OPCML: variants seen among roughly 807,000 people sequenced by gnomAD.
OPCML encodes opioid binding protein/cell adhesion molecule like.
In OPCML, 13 loss-of-function variants were observed where a neutral mutation model predicts 37.8. The ratio of observed to expected loss-of-function variants is 0.34; its 90% CI spans 0.22 to 0.55. OPCML has a LOEUF of 0.55. OPCML is among the 20% of genes least tolerant of loss of function. OPCML has a pLI of 0.91. For synonymous variants in OPCML, 176 were observed against 168.8 expected, an observed-to-expected ratio of 1.04 and a Z score of -0.33; for missense variants, 341 against 435.6, an observed-to-expected ratio of 0.78 and a Z score of 1.93.
chr11:133,247,104 G>T (rs1041204054), intron 1 of OPCML, among the ~76,000 whole-genome samples: 36 of 152,282 alleles, frequency 2.4e-4, no homozygotes, highest in African/African-American at 7.2e-4. Context: ...ATAATCTAAA[G>T]CTTAGAAAAG....
At chr11:133,483,553 G>T (rs774507868) in intron 1 of OPCML, among the ~76,000 whole-genome samples, 2 of 151,756 alleles carry the variant, frequency 1.3e-5, no homozygotes, top group African/African-American at 2.4e-5. Flanking sequence ...TAGATAGATA[G>T]ATAACTAGAC....
chr11:133,013,273 C>T (rs1454675056), intron 1 of OPCML, among the ~76,000 whole-genome samples: 1 of 152,120 alleles, frequency 6.6e-6, no homozygotes, highest in Non-Finnish European at 1.5e-5. Flanking sequence ...ACCTATGTCA[C>T]TTTTTGGTTG....
chr11:132,530,712 A>G (rs984464143), intron 3 of OPCML, among the ~76,000 whole-genome samples: 15 of 151,944 alleles, frequency 9.9e-5, no homozygotes, highest in Admixed American at 1.3e-4. Context: ...ACCCTTCTGC[A>G]TGACCTGAGC....
chr11:132,620,225 T>C (rs986590478), intron 3 of OPCML, among the ~76,000 whole-genome samples: 1 of 152,198 alleles, frequency 6.6e-6, no homozygotes, highest in Non-Finnish European at 1.5e-5. Flanking sequence ...GTCAGAGCCA[T>C]ATACTAATGC....
intron 3 of OPCML, among the ~76,000 whole-genome samples, chr11:132,568,051 C>CGT (rs151226115): frequency 0.089 from 13,330 of 149,758 alleles, 751 homozygotes; most frequent in African/African-American, 0.16. Flanking sequence ...TGCGCGCGCG[C>CGT]GCGTGTGTGT....
At chr11:132,973,482 AT>A (rs1265995414) in intron 1 of OPCML, among the ~76,000 whole-genome samples, 2 of 152,180 alleles carry the variant, frequency 1.3e-5, no homozygotes, top group African/African-American at 4.8e-5. Flanking sequence ...CTTGGATTTC[AT>A]GGTTTGTTAT....
chr11:133,220,515 AGAG>A (rs1365690190), intron 1 of OPCML, among the ~76,000 whole-genome samples: 3 of 152,154 alleles, frequency 2.0e-5, no homozygotes, highest in Non-Finnish European at 4.4e-5. Flanking sequence ...GTCAGAGGTC[AGAG>A]GAGGAGAGGT....
At chr11:133,004,006 C>T in intron 1 of OPCML, 15 of 985,392 alleles carry the variant, frequency 1.5e-5, no homozygotes, top group Non-Finnish European at 1.8e-5. Flanking sequence ...GGAAGTGGCA[C>T]ACGTCTCTCA....
chr11:132,716,775 A>G (rs1446918789), intron 2 of OPCML, among the ~76,000 whole-genome samples: 1 of 152,222 alleles, frequency 6.6e-6, no homozygotes, highest in Non-Finnish European at 1.5e-5. Flanking sequence ...CTGAAGGATC[A>G]TTTATTAAGT....
At chr11:132,769,323 C>G (rs1232843399) in intron 2 of OPCML, among the ~76,000 whole-genome samples, 2 of 150,386 alleles carry the variant, frequency 1.3e-5, no homozygotes, top group Admixed American at 1.3e-4. Context: ...CTCCAAGTTC[C>G]ACCTTCCAGG....
intron 7 of OPCML, among the ~76,000 whole-genome samples, chr11:132,423,196 T>C (rs147297482): frequency 2.0e-5 from 3 of 152,330 alleles, no homozygotes; most frequent in African/African-American, 7.2e-5. Context: ...CCCTAAAGTT[T>C]CCCTTTTGCA....
chr11:133,051,587 C>T (rs889813840), intron 1 of OPCML, among the ~76,000 whole-genome samples: 2 of 152,192 alleles, frequency 1.3e-5, no homozygotes, highest in African/African-American at 2.4e-5. Context: ...TCGGTTCACA[C>T]ATCTCCCCAG....
intron 1 of OPCML, among the ~76,000 whole-genome samples, chr11:132,956,020 A>G (rs564356446): frequency 1.1e-4 from 17 of 152,376 alleles, no homozygotes; most frequent in Non-Finnish European, 1.0e-4. Flanking sequence ...AAAAATAATT[A>G]TGTATCTCTA....
intron 3 of OPCML, among the ~76,000 whole-genome samples, chr11:132,647,564 TA>T (rs1242957406): frequency 6.6e-6 from 1 of 151,968 alleles, no homozygotes; most frequent in African/African-American, 2.4e-5. Context: ...TAAATTGGAG[TA>T]AAGAAAATGA....
chr11:132,655,900 ATCTT>A (rs984301267), intron 3 of OPCML, among the ~76,000 whole-genome samples: 1 of 146,898 alleles, frequency 6.8e-6, no homozygotes, highest in African/African-American at 2.5e-5. Context: ...TGAGGAATCT[ATCTT>A]AGCTAAGCAA....
intron 2 of OPCML, among the ~76,000 whole-genome samples, chr11:132,689,189 C>T (rs1020128488): frequency 3.9e-5 from 6 of 152,072 alleles, no homozygotes; most frequent in Admixed American, 2.6e-4. Flanking sequence ...ACAAAGAAAA[C>T]ATTCAATAAT....
rs2136334412 is a variant in OPCML at position 133,208,037 on chromosome 11, T to C, written c.62-265027A>G. Among the ~76,000 whole-genome samples, 1 of 152,316 alleles carries C rather than the reference T, an allele frequency of 6.6e-6. No homozygotes were observed. The highest frequency in any genetic ancestry group is 2.4e-5 in the African/African-American group (1 of 41,586). The stretch of plus-strand genomic sequence containing the variant: ...GAACTCAAACTGCATTTAACCACCC[T>C]AGGCAAGGTTAAGAGCTCCTTACTC... On this transcript the variant is annotated intron_variant, in intron 1 of 7. Transcript: ENST00000524381. This position sits in a 1 kb window ranked among gnomAD's most constrained non-coding sequence, Gnocchi z 8.9.
intron 2 of OPCML, among the ~76,000 whole-genome samples, chr11:132,673,913 T>A (rs558838484): frequency 1.1e-4 from 17 of 152,270 alleles, no homozygotes; most frequent in African/African-American, 4.1e-4. Flanking sequence ...CCTTCCCTTT[T>A]CTCTCCTAAC....
intron 7 of OPCML, among the ~76,000 whole-genome samples, chr11:132,423,991 C>T (rs1264490608): frequency 6.6e-6 from 1 of 152,156 alleles, no homozygotes; most frequent in Admixed American, 6.5e-5. Flanking sequence ...TCTCCAGGTA[C>T]TTGGTACCCA....
Sources: gnomAD v4.1 joint callset for allele counts (sites outside exome capture counted in the v4.1 genomes callset) on GRCh38, gnomAD v4.1.1 for gene constraint, Gnocchi (gnomAD v3.1) non-coding constraint, MANE v1.5 for transcripts, NCBI Gene and HGNC (gene_info 2026-07-23, HGNC 2026-07-21) for gene names.